MCTP1: variants seen among roughly 807,000 people sequenced by gnomAD.
MCTP1 encodes multiple C2 and transmembrane domain containing 1.
Under a neutral mutation model 120.6 loss-of-function variants are expected in MCTP1, and 69 were observed. The ratio of observed to expected loss-of-function variants is 0.57; its 90% confidence interval spans 0.47 to 0.70. The LOEUF is 0.70. MCTP1 is among the 30% of genes least tolerant of loss of function. MCTP1 has a pLI of 0.00. For missense variants in MCTP1, 1,203 were observed against 1,248.8 expected (o/e 0.96, Z 0.55); for synonymous variants, 529 against 493.1 (o/e 1.07, Z -0.96).
At chr5:95,009,042 G>A (rs1683658616) in intron 2 of MCTP1, among the ~76,000 whole-genome samples, 1 of 147,286 alleles carries the variant, frequency 6.8e-6, no homozygotes, top group South Asian at 2.2e-4. Flanking sequence ...AAGAGTGAGA[G>A]TGAGAGAGGG....
chr5:95,015,184 T>G (rs1335419427), intron 2 of MCTP1, among the ~76,000 whole-genome samples: 1 of 152,124 alleles, frequency 6.6e-6, no homozygotes, highest in Non-Finnish European at 1.5e-5. Flanking sequence ...CTTGCTTTAT[T>G]GTGATATTTT....
chr5:95,022,425 G>A (rs11960821), intron 1 of MCTP1, among the ~76,000 whole-genome samples: 2,189 of 152,134 alleles, frequency 0.014, 53 homozygotes, highest in African/African-American at 0.051. Context: ...AGTCTTCAAG[G>A]ACCATTTCAC....
chr5:94,739,491 T>G (rs746539875), intron 19 of MCTP1: 1 of 152,218 alleles, frequency 6.6e-6, no homozygotes, highest in Non-Finnish European at 1.5e-5. Flanking sequence ...AAGGCTTCAA[T>G]GGCATGGCAT....
rs190674134 is a variant in MCTP1 at position 95,047,377 on chromosome 5, C to T, written c.721-29893G>A. Among the ~76,000 whole-genome samples, 303 of 152,174 alleles carry T rather than the reference C, an allele frequency of 2.0e-3. 1 individual carries two copies. Among genetic ancestry groups the T allele is most frequent in the African/African-American group, 7.0e-3 (289 of 41,506 alleles). On this transcript the variant is annotated intron_variant, in intron 1 of 22. Coordinates refer to ENST00000515393, the MANE Select transcript of MCTP1 (RefSeq NM_024717.7). ...TCCCTGGCTGAATGTTTCTCATGGC[C>T]AATTTATTCTTTGAAAGTCAAGTCC...
At chr5:94,757,730 C>T (rs1304369475) in intron 19 of MCTP1, among the ~76,000 whole-genome samples, 4 of 152,180 alleles carry the variant, frequency 2.6e-5, no homozygotes, top group Non-Finnish European at 5.9e-5. Context: ...ATGCACACTG[C>T]TTGTTGCATG....
intron 1 of MCTP1, among the ~76,000 whole-genome samples, chr5:95,190,813 A>C (rs1222133997): frequency 3.3e-5 from 5 of 152,124 alleles, no homozygotes; most frequent in Non-Finnish European, 7.4e-5. Context: ...TTTACAATAC[A>C]GATATTTGAT....
At chr5:95,152,285 T>C (rs1213891860) in intron 1 of MCTP1, among the ~76,000 whole-genome samples, 1 of 152,206 alleles carries the variant, frequency 6.6e-6, no homozygotes, top group Admixed American at 6.5e-5. Context: ...TTCCACTATT[T>C]TTGCATTTTC....
At chr5:95,216,028 T>C (rs1582560840) in intron 1 of MCTP1, among the ~76,000 whole-genome samples, 2 of 152,232 alleles carry the variant, frequency 1.3e-5, no homozygotes, top group Admixed American at 1.3e-4. Context: ...GATATTTCTT[T>C]ATTTGAAAAA....
intron 2 of MCTP1, among the ~76,000 whole-genome samples, chr5:95,001,978 C>T (rs1833823031): frequency 6.6e-6 from 1 of 152,178 alleles, no homozygotes; most frequent in African/African-American, 2.4e-5. Context: ...CTCCCCTGCT[C>T]TATGCAGCCT....
chr5:95,188,996 A>C (rs978100119), intron 1 of MCTP1, among the ~76,000 whole-genome samples: 6 of 152,172 alleles, frequency 3.9e-5, no homozygotes, highest in African/African-American at 1.4e-4. Flanking sequence ...AATCTAAAAA[A>C]TCTCAAAATA....
At chr5:94,732,982 T>G (rs934841606) in intron 19 of MCTP1, among the ~76,000 whole-genome samples, 8 of 151,988 alleles carry the variant, frequency 5.3e-5, no homozygotes, top group African/African-American at 1.4e-4. Flanking sequence ...TAAAATTTTA[T>G]GCCTATAGTG....
At chr5:94,751,328 A>C (rs908505721) in intron 19 of MCTP1, among the ~76,000 whole-genome samples, 4 of 151,948 alleles carry the variant, frequency 2.6e-5, no homozygotes, top group Non-Finnish European at 4.4e-5. Context: ...GTAATTTAGC[A>C]TACCAAATCA....
At chr5:94,942,500 A>G (rs1042041472) in intron 3 of MCTP1, 73 bp from the exon 4 acceptor site, 1 of 1,096,762 alleles carries the variant, frequency 9.1e-7, no homozygotes, top group Non-Finnish European at 1.3e-6. Flanking sequence ...TGTCTTGGTC[A>G]TAAAATGTTG....
chr5:94,949,996 C>CA (rs1460248981), intron 3 of MCTP1, among the ~76,000 whole-genome samples: 2 of 149,846 alleles, frequency 1.3e-5, no homozygotes, highest in African/African-American at 4.9e-5. Context: ...TAAGATGAGG[C>CA]AAAAAATGGA....
chr5:95,275,395 A>C (rs1199083749), intron 1 of MCTP1, among the ~76,000 whole-genome samples: 2 of 152,186 alleles, frequency 1.3e-5, no homozygotes, highest in African/African-American at 4.8e-5. Context: ...TGCTCCTTCC[A>C]GAGGGCAGGG....
At chr5:94,982,665 G>A (rs1046397896) in intron 2 of MCTP1, among the ~76,000 whole-genome samples, 1 of 151,986 alleles carries the variant, frequency 6.6e-6, no homozygotes, top group Admixed American at 6.6e-5. Flanking sequence ...AAGATGGGCA[G>A]ATCACCTGAA....
intron 2 of MCTP1, among the ~76,000 whole-genome samples, chr5:95,008,248 G>C (rs1043546177): frequency 2.6e-5 from 4 of 152,046 alleles, no homozygotes; most frequent in Non-Finnish European, 5.9e-5. Context: ...GACAAAAAAA[G>C]AAGGCCGCCC....
intron 1 of MCTP1, among the ~76,000 whole-genome samples, chr5:95,232,947 A>C (rs1443734252): frequency 6.6e-6 from 1 of 152,228 alleles, no homozygotes; most frequent in Non-Finnish European, 1.5e-5. Context: ...CTAACAACAG[A>C]GCTTCAACAG....
chr5:95,052,008 C>A (rs958293239), intron 1 of MCTP1, among the ~76,000 whole-genome samples: 3 of 151,968 alleles, frequency 2.0e-5, no homozygotes, highest in Admixed American at 2.0e-4. Flanking sequence ...ATATGATAAA[C>A]CTGCCCATGT....
Sources: gnomAD v4.1 joint callset for allele counts (sites outside exome capture counted in the v4.1 genomes callset) on GRCh38, gnomAD v4.1.1 for gene constraint, MANE v1.5 for transcripts, NCBI Gene and HGNC (gene_info 2026-07-23, HGNC 2026-07-21) for gene names.